Variants in CLIC4 observed in about 807,000 individuals in gnomAD.
CLIC4 encodes the protein CLIC family member 4, also known as chloride intracellular channel protein 4.
In CLIC4, 13 loss-of-function variants were observed where a neutral mutation model predicts 24.6. The ratio of observed to expected loss-of-function variants is 0.53; its 90% CI spans 0.34 to 0.84. The LOEUF (loss-of-function observed/expected upper bound fraction) is 0.84, where lower values mean the gene tolerates loss of function less well. Among genes scored for constraint, CLIC4 ranks in the 40% least tolerant of loss-of-function variants. The pLI is 0.01. For missense variants in CLIC4, 227 were observed against 301.7 expected (o/e 0.75, Z 1.83); for synonymous variants, 104 against 111.3 (o/e 0.93, Z 0.41).
chr1:24,776,508 AT>A (rs988158241), intron 1 of CLIC4, among the ~76,000 whole-genome samples: 38 of 152,230 alleles, frequency 2.5e-4, no homozygotes, highest in African/African-American at 9.2e-4. Context: ...ACTCAAACTT[AT>A]TTTTTTAAAA....
intron 1 of CLIC4, among the ~76,000 whole-genome samples, chr1:24,773,591 C>CTT (rs61367134): frequency 1.1e-3 from 81 of 73,988 alleles, no homozygotes; most frequent in African/African-American, 2.7e-3. Flanking sequence ...TGAGATGCAC[C>CTT]TTTTTTTTTT....
intron 2 of CLIC4, among the ~76,000 whole-genome samples, chr1:24,803,732 T>G (rs958089095): frequency 6.6e-6 from 1 of 152,164 alleles, no homozygotes. Flanking sequence ...GAGTTAAAGA[T>G]GTTCTGGCAT....
At chr1:24,798,069 T>C in intron 2 of CLIC4, 1 of 400,916 alleles carries the variant, frequency 2.5e-6, no homozygotes, top group East Asian at 5.0e-5. Flanking sequence ...TTTGTATGTT[T>C]ACCTTAAATT....
At chr1:24,753,058 A>G (rs1004087407) in intron 1 of CLIC4, among the ~76,000 whole-genome samples, 2 of 152,186 alleles carry the variant, frequency 1.3e-5, no homozygotes, top group Non-Finnish European at 2.9e-5. Context: ...CTCTATTAGT[A>G]GGATCAGGGA....
intron 3 of CLIC4, among the ~76,000 whole-genome samples, chr1:24,818,543 T>C (rs772027272): frequency 1.3e-5 from 2 of 152,220 alleles, no homozygotes; most frequent in Non-Finnish European, 2.9e-5. Context: ...CACCTCGGCC[T>C]CTCAAAGTGC....
chr1:24,767,302 T>G (rs1297600602), intron 1 of CLIC4, among the ~76,000 whole-genome samples: 2 of 152,204 alleles, frequency 1.3e-5, no homozygotes, highest in Non-Finnish European at 2.9e-5. Context: ...TTATAAGAGT[T>G]AATATAAGAA....
At chr1:24,756,454 C>CT (rs373312998) in intron 1 of CLIC4, among the ~76,000 whole-genome samples, 8 of 152,156 alleles carry the variant, frequency 5.3e-5, no homozygotes, top group African/African-American at 1.7e-4. Flanking sequence ...CTGAAATAAA[C>CT]TAGGAGTATG....
chr1:24,831,035 A>G (rs1392956393), intron 4 of CLIC4, among the ~76,000 whole-genome samples: 1 of 152,186 alleles, frequency 6.6e-6, no homozygotes, highest in Non-Finnish European at 1.5e-5. Context: ...GTTGATACAT[A>G]TAATTGTATC....
In CLIC4 at chr1:24,843,762, C is replaced by G. The variant is rs1214627013; in HGVS notation, c.*2825C>G. 3 of 152,720 alleles carry G rather than the reference C, an allele frequency of 2.0e-5. No homozygotes were observed. The highest frequency in any genetic ancestry group is 7.2e-5 in the African/African-American group (3 of 41,558). 9.5% of individuals were successfully genotyped at this position (152,720 alleles called of 1,614,324 possible). On this transcript the variant is annotated 3_prime_UTR_variant, in exon 6 of 6. Coordinates refer to ENST00000374379, the MANE Select transcript of CLIC4 (RefSeq NM_013943.3). ...TATTCTTACACTAAATGGATCAACT[C>G]TAGGATTTAGGCATGTTAACTTCTG...
At chr1:24,775,528 C>T (rs1029024741) in intron 1 of CLIC4, among the ~76,000 whole-genome samples, 1 of 150,764 alleles carries the variant, frequency 6.6e-6, no homozygotes, top group African/African-American at 2.4e-5. Context: ...TTTCTTCTCT[C>T]TCTCTTTTCT....
intron 1 of CLIC4, among the ~76,000 whole-genome samples, chr1:24,793,706 G>T (rs1288360439): frequency 1.3e-5 from 2 of 151,332 alleles, no homozygotes; most frequent in African/African-American, 4.9e-5. Context: ...AGAATGATCG[G>T]ATTTTTTTTT....
At chr1:24,798,268 G>C (rs560388498) in intron 2 of CLIC4, among the ~76,000 whole-genome samples, 3 of 152,172 alleles carry the variant, frequency 2.0e-5, no homozygotes, top group African/African-American at 7.2e-5. Flanking sequence ...GTTGAATACC[G>C]TTGTTGTCAA....
intron 1 of CLIC4, among the ~76,000 whole-genome samples, chr1:24,791,154 C>T (rs1313525488): frequency 6.6e-6 from 1 of 152,116 alleles, no homozygotes; most frequent in Non-Finnish European, 1.5e-5. Context: ...CTGTTAGAAG[C>T]AGTGAAGAGT....
Position 24,756,551 on chromosome 1 carries a change from C to G in CLIC4, c.72+10926C>G, listed in dbSNP as rs116857179. ...CTCATTCTTATGAAAAGATTTAGTT[C>G]TCATTATAATATAGTTGTAAAAATG... is the stretch of plus-strand genomic sequence containing the variant. On this transcript the variant is annotated intron_variant, in intron 1 of 5. Transcript: ENST00000374379. Among the ~76,000 whole-genome samples, 1,066 of 152,114 alleles carry G rather than the reference C, an allele frequency of 7.0e-3. 21 individuals carry two copies. Among genetic ancestry groups the G allele is most frequent in the East Asian group, 0.02 (106 of 5,180 alleles).
At chr1:24,748,098 G>A (rs1638726450) in intron 1 of CLIC4, among the ~76,000 whole-genome samples, 1 of 151,998 alleles carries the variant, frequency 6.6e-6, no homozygotes, top group Admixed American at 6.6e-5. Flanking sequence ...TATTGGAGGA[G>A]CTAATCAAAG....
chr1:24,758,240 G>A (rs372787170), intron 1 of CLIC4, among the ~76,000 whole-genome samples: 3 of 151,652 alleles, frequency 2.0e-5, no homozygotes, highest in East Asian at 3.9e-4. Context: ...CAATAGAAAA[G>A]CATAAATAAA....
At chr1:24,819,731 G>A (rs1270724484) in intron 3 of CLIC4, among the ~76,000 whole-genome samples, 1 of 150,226 alleles carries the variant, frequency 6.7e-6, no homozygotes, top group Non-Finnish European at 1.5e-5. Context: ...GAGCCACCGC[G>A]CCTGACCATA....
intron 1 of CLIC4, among the ~76,000 whole-genome samples, chr1:24,767,024 TAA>T (rs34142565): frequency 7.2e-4 from 51 of 71,068 alleles, no homozygotes; most frequent in South Asian, 2.9e-3. Context: ...GCTGATGAGC[TAA>T]AAAAAAAAAA....
At chr1:24,801,016 C>T (rs1639482450) in intron 2 of CLIC4, among the ~76,000 whole-genome samples, 1 of 149,826 alleles carries the variant, frequency 6.7e-6, no homozygotes, top group South Asian at 2.2e-4. Flanking sequence ...TGTCCCATGA[C>T]CCTGCCAAAT....
Sources: allele counts gnomAD v4.1 joint callset (sites outside exome capture counted in the v4.1 genomes callset), GRCh38; gene constraint gnomAD v4.1.1; transcripts MANE v1.5; gene names NCBI Gene and HGNC (gene_info 2026-07-23, HGNC 2026-07-21).